The following DENND1A variants were observed in gnomAD, a reference collection of about 807,000 sequenced individuals.
DENND1A encodes the protein DENN domain-containing protein 1A.
A neutral mutation model predicts 113.7 loss-of-function variants in DENND1A; 51 were observed. The ratio of observed to expected loss-of-function variants is 0.45; its 90% confidence interval spans 0.36 to 0.57. The LOEUF (loss-of-function observed/expected upper bound fraction) is 0.57, where lower values mean the gene tolerates loss of function less well. Among genes scored for constraint, DENND1A ranks in the 20% least tolerant of loss-of-function variants. The probability of loss-of-function intolerance (pLI) is 0.00; values close to 1 mark genes in which losing one functional copy is unlikely to be tolerated. For missense variants in DENND1A, 1,258 were observed against 1,395.9 expected, an observed-to-expected ratio of 0.90 and a Z score of 1.57; for synonymous variants, 565 against 570.8, an observed-to-expected ratio of 0.99 and a Z score of 0.14.
rs1002721821 is a variant in DENND1A at position 123,380,923 on chromosome 9, CAGG to C, written c.*506_*508del. On this transcript the variant is annotated 3_prime_UTR_variant, in exon 24 of 24. Coordinates refer to ENST00000394215, the MANE Select transcript of DENND1A (RefSeq NM_001352964.2). ...GCCCCACCAGGTAAATCCTCCAGCC[CAGG>C]AGGAGTCCTAACTTCAACCCCAAGC... is the stretch of plus-strand genomic sequence containing the variant. The C allele has an allele frequency of 3.1e-5, 5 of 163,412 alleles. No homozygotes were observed. Among genetic ancestry groups the C allele is most frequent in the Admixed American group, 2.3e-4 (4 of 17,140 alleles). The allele number at this position is 163,412 out of a possible 1,614,324, so 10.1% of individuals were successfully genotyped here.
chr9:123,536,983 C>A (rs2055833978), intron 13 of DENND1A, among the ~76,000 whole-genome samples: 1 of 152,132 alleles, frequency 6.6e-6, no homozygotes, highest in Non-Finnish European at 1.5e-5. Flanking sequence ...GAGATCAAAT[C>A]CCACATAAGG....
intron 2 of DENND1A, among the ~76,000 whole-genome samples, chr9:123,872,308 A>G (rs1367029572): frequency 1.3e-5 from 2 of 152,246 alleles, no homozygotes; most frequent in Non-Finnish European, 1.5e-5. Flanking sequence ...TACATCATTT[A>G]TAACAAGAGA....
In DENND1A at chr9:123,440,465, G is replaced by T. The variant is rs2046846307; in HGVS notation, c.1383C>A (p.Pro461=). 4 of 1,571,678 alleles carry T rather than the reference G, an allele frequency of 2.5e-6. No individual in the cohort carries two copies. Among genetic ancestry groups the T allele is most frequent in the Admixed American group, 2.1e-5 (1 of 47,784 alleles). ...TCTTTGGCAGCTGCTCTTCTGGGGT[G>T]GGGGCGCAGCCATTCTCGGCAATGT... The part of the protein sequence containing the change: ...QKDIAENGCA[P]TPEEQLPKTA... The change falls in exon 19 of 24, where the codon CCC becomes CCA. Residue 461 remains proline (P), a synonymous_variant. Coordinates refer to ENST00000394215, the MANE Select transcript of DENND1A (RefSeq NM_001352964.2).
At chr9:123,813,907 T>C (rs1837046114) in intron 2 of DENND1A, among the ~76,000 whole-genome samples, 1 of 152,214 alleles carries the variant, frequency 6.6e-6, no homozygotes, top group Admixed American at 6.5e-5. Flanking sequence ...AGGAAGACGC[T>C]TATCTCAATA....
chr9:123,764,549 G>A lies in DENND1A; in HGVS notation c.182+4965C>T, dbSNP rs900821072. 9.2e-5 allele frequency among the ~76,000 whole-genome samples: 14 copies of A among 152,144 alleles called. No individual in the cohort carries two copies. The highest frequency in any genetic ancestry group is 3.4e-4 in the African/African-American group (14 of 41,406). On this transcript the variant is annotated intron_variant, in intron 4 of 23. Coordinates refer to ENST00000394215, the MANE Select transcript of DENND1A (RefSeq NM_001352964.2). The surrounding 1 kb of genome is among the most constrained non-coding windows in gnomAD (Gnocchi z 4.1). ...AAGATCCAAGTGGTGAGAATGACATGGACCCAAAATATGAGGGGACCAACA... is the reference window on the plus strand; with the variant it reads ...AAGATCCAAGTGGTGAGAATGACATAGACCCAAAATATGAGGGGACCAACA...
At chr9:123,401,524 G>A (rs764499920) in intron 21 of DENND1A, 39 of 1,305,050 alleles carry the variant, frequency 3.0e-5, no homozygotes, top group Admixed American at 6.5e-5. Context: ...CCACTGTGAC[G>A]TACGCTCACA....
rs151055320 is a variant in DENND1A at position 123,457,400 on chromosome 9, G to A, written c.1134C>T (p.Gly378=). 1.9e-5 allele frequency: 31 copies of A among 1,613,860 alleles called. No individual in the cohort carries two copies. Among genetic ancestry groups the A allele is most frequent in the Admixed American group, 1.0e-4 (6 of 59,992 alleles). ...IDGRLDLLNS[G]EGFSDVFEEE... ...CTTCAAAAACATCACTGAAACCTTC[G>A]CCGGAATTGAGAAGATCTAATCGAC... The change falls in exon 15 of 24, where the codon GGC becomes GGT. Residue 378 remains glycine, a synonymous_variant. Coordinates refer to ENST00000394215, the MANE Select transcript of DENND1A (RefSeq NM_001352964.2).
At chr9:123,583,553 A>G (rs541059505) in intron 11 of DENND1A, among the ~76,000 whole-genome samples, 1 of 152,200 alleles carries the variant, frequency 6.6e-6, no homozygotes, top group Non-Finnish European at 1.5e-5. Context: ...AAGAGGAATC[A>G]TTACACCCCA....
At chr9:123,489,191 A>G (rs1362903811) in intron 13 of DENND1A, among the ~76,000 whole-genome samples, 1 of 152,212 alleles carries the variant, frequency 6.6e-6, no homozygotes, top group East Asian at 1.9e-4. Flanking sequence ...CCACAGATAA[A>G]GGTCATGCCA....
At chr9:123,683,758 G>T (rs1425051615) in intron 5 of DENND1A, among the ~76,000 whole-genome samples, 2 of 152,160 alleles carry the variant, frequency 1.3e-5, no homozygotes, top group African/African-American at 4.8e-5. Context: ...CGGTGACTGT[G>T]TATTGACTAT....
chr9:123,868,782 A>T lies in DENND1A; in HGVS notation c.88+10169T>A, dbSNP rs569993221. ...CTAAATTGCGCACTTTAGGAAAAAG[A>T]AGAAATCTGGGATCTGCTTCAAATA... On this transcript the variant is annotated intron_variant, in intron 2 of 23. Transcript: ENST00000394215. Among the ~76,000 whole-genome samples, 25 of 152,334 alleles carry T rather than the reference A, an allele frequency of 1.6e-4. No homozygotes were observed. In the South Asian group the frequency reaches 5.0e-3, roughly 30 times the overall value.
chr9:123,891,726 G>A (rs1849929740), intron 1 of DENND1A, among the ~76,000 whole-genome samples: 1 of 152,170 alleles, frequency 6.6e-6, no homozygotes, highest in African/African-American at 2.4e-5. Context: ...AAATTTACTG[G>A]AATCTCAAAT....
chr9:123,768,399 T>C (rs1250690260), intron 4 of DENND1A, among the ~76,000 whole-genome samples: 1 of 152,176 alleles, frequency 6.6e-6, no homozygotes, highest in Non-Finnish European at 1.5e-5. Context: ...TTACAATGTG[T>C]AGAAAAGATG....
intron 2 of DENND1A, among the ~76,000 whole-genome samples, chr9:123,796,896 A>C (rs1833869901): frequency 6.6e-6 from 1 of 152,120 alleles, no homozygotes; most frequent in African/African-American, 2.4e-5. Flanking sequence ...CACCGACTTC[A>C]CTTTGTACAA....
At chr9:123,683,717 T>G (rs1231904619) in intron 5 of DENND1A, among the ~76,000 whole-genome samples, 1 of 152,202 alleles carries the variant, frequency 6.6e-6, no homozygotes, top group Non-Finnish European at 1.5e-5. Flanking sequence ...GCCTGTCTTC[T>G]CCATTGGTGT....
chr9:123,632,296 A>G (rs1222100439), intron 9 of DENND1A, among the ~76,000 whole-genome samples: 1 of 151,798 alleles, frequency 6.6e-6, no homozygotes, highest in Non-Finnish European at 1.5e-5. Flanking sequence ...GTTCCCAGTG[A>G]CCCCGTCAAG....
In DENND1A at chr9:123,436,231, G is replaced by T. The variant is rs553570778; in HGVS notation, c.1488+4129C>A. Reference sequence around the variant, plus strand: ...GCCTTCCCGGGGAGTCTGGGAGAAGGAACTGAGCTCCATCACCCCTTCCAG... The same window carrying T: ...GCCTTCCCGGGGAGTCTGGGAGAAGTAACTGAGCTCCATCACCCCTTCCAG... On this transcript the variant is annotated intron_variant, in intron 19 of 23. Coordinates refer to ENST00000394215, the MANE Select transcript of DENND1A (RefSeq NM_001352964.2). 3.9e-5 allele frequency among the ~76,000 whole-genome samples: 6 copies of T among 152,340 alleles called. No homozygotes were observed. In the East Asian group the frequency reaches 1.2e-3, roughly 29 times the overall value.
intron 13 of DENND1A, among the ~76,000 whole-genome samples, chr9:123,524,094 C>T (rs967644723): frequency 6.6e-6 from 1 of 152,158 alleles, no homozygotes; most frequent in African/African-American, 2.4e-5. Context: ...ACCCAGGGTG[C>T]TGCCTTGGTA....
chr9:123,460,372 T>C (rs1173479255), intron 13 of DENND1A, among the ~76,000 whole-genome samples: 1 of 152,164 alleles, frequency 6.6e-6, no homozygotes, highest in African/African-American at 2.4e-5. Flanking sequence ...TCTCTCCAGG[T>C]GATCTCATCC....
Sources: allele counts gnomAD v4.1 joint callset (sites outside exome capture counted in the v4.1 genomes callset), GRCh38; gene constraint gnomAD v4.1.1; non-coding constraint Gnocchi (gnomAD v3.1); transcripts MANE v1.5; gene names NCBI Gene and HGNC (gene_info 2026-07-23, HGNC 2026-07-21).